The following CASZ1 variants were observed in gnomAD, a reference collection of about 807,000 sequenced individuals.
The protein encoded by CASZ1 is zinc finger protein castor homolog 1.
A neutral mutation model predicts 135.2 loss-of-function variants in CASZ1; 28 were observed. The ratio of observed to expected loss-of-function variants is 0.21; its 90% CI spans 0.15 to 0.28. The LOEUF is 0.28. CASZ1 is among the 10% of genes least tolerant of loss of function. The probability of loss-of-function intolerance (pLI) is 1.00; values close to 1 mark genes in which losing one functional copy is unlikely to be tolerated. For missense variants in CASZ1, 2,161 were observed against 2,453.3 expected (o/e 0.88, Z 2.52); for synonymous variants, 1,068 against 1,073.4 (o/e 0.99, Z 0.10).
At chr1:10,671,370 T>C (rs557451945) in intron 4 of CASZ1, among the ~76,000 whole-genome samples, 1 of 152,332 alleles carries the variant, frequency 6.6e-6, no homozygotes, top group Non-Finnish European at 1.5e-5. Flanking sequence ...AATCCCGTTA[T>C]ATTCACATGT....
chr1:10,756,686 G>A lies in CASZ1; in HGVS notation c.-77+4015C>T, dbSNP rs114282605. ...GGAAAAGGGAGACTGGCCTTCAGGC[G>A]AGCGGGGTACTGGGGCAATTCACAC... On this transcript the variant is annotated intron_variant, in intron 2 of 20. Transcript: ENST00000377022. This position sits in a 1 kb window ranked among gnomAD's most constrained non-coding sequence, Gnocchi z 5.9. Among the ~76,000 whole-genome samples, 767 of 152,338 alleles carry A rather than the reference G, an allele frequency of 5.0e-3. 8 individuals carry two copies. Among genetic ancestry groups the A allele is most frequent in the African/African-American group, 0.018 (742 of 41,578 alleles).
intron 1 of CASZ1, among the ~76,000 whole-genome samples, chr1:10,783,745 G>A (rs111751193): frequency 0.1 from 15,800 of 151,694 alleles, 1,103 homozygotes; most frequent in African/African-American, 0.19. Flanking sequence ...GGTGACGCAC[G>A]CCTGTAATCC....
In CASZ1 at chr1:10,788,326, T is replaced by C. The variant is rs1357939262; in HGVS notation, c.-234+8238A>G. Among the ~76,000 whole-genome samples the C allele has an allele frequency of 2.0e-5, 3 of 152,110 alleles. No homozygotes were observed. The highest frequency in any genetic ancestry group is 4.4e-5 in the Non-Finnish European group (3 of 68,008). On this transcript the variant is annotated intron_variant, in intron 1 of 20. Transcript: ENST00000377022. The surrounding 1 kb of genome is among the most constrained non-coding windows in gnomAD (Gnocchi z 4.1). ...GTTTGACAGCACTCTCCTCTCCCAG[T>C]GCAGAGGCAGGCAGGTGGGAGTAGT... is the stretch of plus-strand genomic sequence containing the variant.
intron 4 of CASZ1, among the ~76,000 whole-genome samples, chr1:10,671,329 C>T (rs1024512639): frequency 5.3e-5 from 8 of 152,220 alleles, no homozygotes; most frequent in Non-Finnish European, 7.3e-5. Context: ...CCTGTGCGCG[C>T]GCACACACGC....
intron 3 of CASZ1, among the ~76,000 whole-genome samples, chr1:10,703,363 C>T (rs542698452): frequency 6.6e-6 from 1 of 152,244 alleles, no homozygotes; most frequent in East Asian, 1.9e-4. Context: ...CAGACTGCAG[C>T]CTGGTTCCCA....
In CASZ1 at chr1:10,648,079, G is replaced by A; in HGVS notation, c.3219C>T (p.Ala1073=). 1.3e-6 allele frequency: 2 copies of A among 1,581,076 alleles called. No individual in the cohort carries two copies. Among genetic ancestry groups the A allele is most frequent in the South Asian group, 2.3e-5 (2 of 87,200 alleles). The change falls in exon 16 of 21, where the codon GCC becomes GCT. Residue 1073 remains alanine (A), a synonymous_variant. Coordinates refer to ENST00000377022, the MANE Select transcript of CASZ1 (RefSeq NM_001079843.3). ...TGGGAGGTTTGGTCTCGGCGGCCGA[G>A]GCCGGAAAGGCAGCCTCTGTGTTTC... ...AKGNTEAAFP[A]SAAETKPPMA... is the part of the protein sequence containing the mutation.
At chr1:10,667,217 G>T (rs1389825224) in intron 4 of CASZ1, among the ~76,000 whole-genome samples, 1 of 152,238 alleles carries the variant, frequency 6.6e-6, no homozygotes, top group Non-Finnish European at 1.5e-5. Context: ...TCCCCTGATA[G>T]ACACAGTGCC....
chr1:10,740,404 C>G (rs1639892446), intron 2 of CASZ1, among the ~76,000 whole-genome samples: 2 of 152,234 alleles, frequency 1.3e-5, no homozygotes, highest in South Asian at 4.1e-4. Flanking sequence ...AGAGTGAGGT[C>G]CTGGGGATCT....
rs284254 is a variant in CASZ1 at position 10,726,257 on chromosome 1, A to C, written c.-76-20713T>G. On this transcript the variant is annotated intron_variant, in intron 2 of 20. Coordinates refer to ENST00000377022, the MANE Select transcript of CASZ1 (RefSeq NM_001079843.3). The surrounding 1 kb of genome is among the most constrained non-coding windows in gnomAD (Gnocchi z 5.7). ...CAGCAACAGAAACCCTGTAGGAGAC[A>C]CCACTGTTCATGCCCTCATTTACGG... 1.3e-5 allele frequency among the ~76,000 whole-genome samples: 2 copies of C among 152,040 alleles called. No individual in the cohort carries two copies. The highest frequency in any genetic ancestry group is 4.1e-4 in the South Asian group (2 of 4,826).
chr1:10,662,590 ACAAT>A (rs1246061957), intron 5 of CASZ1, among the ~76,000 whole-genome samples: 1 of 145,610 alleles, frequency 6.9e-6, no homozygotes, highest in Non-Finnish European at 1.5e-5. Flanking sequence ...AATCACACAC[ACAAT>A]CACACACACT....
rs191369987 is a variant in CASZ1 at position 10,638,143 on chromosome 1, T to C, written c.*799A>G. 19 of 152,552 alleles carry C rather than the reference T, an allele frequency of 1.2e-4. No individual in the cohort carries two copies. The highest frequency in any genetic ancestry group is 5.2e-4 in the Admixed American group (8 of 15,304). 9.4% of individuals were successfully genotyped at this position (152,552 alleles called of 1,614,324 possible). ...TTTGTTCTATGTAGAATAATAACCTTTACAGGAAAAATACTGTACAACTTT... is the reference window on the plus strand; with the variant it reads ...TTTGTTCTATGTAGAATAATAACCTCTACAGGAAAAATACTGTACAACTTT... On this transcript the variant is annotated 3_prime_UTR_variant, in exon 21 of 21. Transcript: ENST00000377022. The surrounding 1 kb of genome is among the most constrained non-coding windows in gnomAD (Gnocchi z 5.9).
At chr1:10,672,512 T>G (rs1643440399) in intron 4 of CASZ1, among the ~76,000 whole-genome samples, 1 of 134,736 alleles carries the variant, frequency 7.4e-6, no homozygotes, top group Non-Finnish European at 1.6e-5. Context: ...GGGCCCAATC[T>G]GTTTTCAAAG....
intron 1 of CASZ1, among the ~76,000 whole-genome samples, chr1:10,763,495 A>G (rs1640416930): frequency 1.3e-5 from 2 of 152,180 alleles, no homozygotes; most frequent in South Asian, 4.1e-4. Flanking sequence ...CAAGCACTCT[A>G]GAAATGCCCA....
chr1:10,669,971 T>C (rs1643352725), intron 4 of CASZ1, among the ~76,000 whole-genome samples: 1 of 152,232 alleles, frequency 6.6e-6, no homozygotes, highest in Admixed American at 6.5e-5. Context: ...GGAAACGGTG[T>C]TCAAGAAAAA....
chr1:10,767,250 G>A lies in CASZ1; in HGVS notation c.-233-6393C>T, dbSNP rs1232986988. Among the ~76,000 whole-genome samples the A allele has an allele frequency of 6.6e-6, 1 of 152,184 alleles. No homozygotes were observed. Among genetic ancestry groups the A allele is most frequent in the Admixed American group, 6.5e-5 (1 of 15,278 alleles). On this transcript the variant is annotated intron_variant, in intron 1 of 20. Transcript: ENST00000377022. The surrounding 1 kb of genome is among the most constrained non-coding windows in gnomAD (Gnocchi z 4.2). ...CCCAGTCCTGGCCCAGGAGATCAGC[G>A]ATGTCCTCTGACCCTTCCCTCTACC...
In CASZ1 at chr1:10,694,222, C is replaced by T. The variant is rs1638861340; in HGVS notation, c.-23-310G>A. 9 of 594,666 alleles carry T rather than the reference C, an allele frequency of 1.5e-5. No homozygotes were observed. The highest frequency in any genetic ancestry group is 5.5e-4 in the Middle Eastern group (1 of 1,822). The allele number at this position is 594,666 out of a possible 1,614,324, so 36.8% of individuals were successfully genotyped here. ...AGGCCCAGGGGCGCCCCCGTCCCGC[C>T]GACCGCGCCCCGCGCCCGGGTCGCC... is the stretch of plus-strand genomic sequence containing the variant. On this transcript the variant is annotated intron_variant, in intron 3 of 20. Transcript: ENST00000377022. The surrounding 1 kb of genome is among the most constrained non-coding windows in gnomAD (Gnocchi z 6.6).
intron 11 of CASZ1, chr1:10,652,388 CCTG>C (rs1315450512): frequency 6.6e-6 from 1 of 152,298 alleles, no homozygotes; most frequent in East Asian, 1.9e-4. Context: ...TGGCGTCCCG[CCTG>C]CTGTGTCCCC....
In CASZ1 at chr1:10,706,920, G is replaced by C. The variant is rs1354675771; in HGVS notation, c.-76-1376C>G. Among the ~76,000 whole-genome samples, 1 of 151,914 alleles carries C rather than the reference G, an allele frequency of 6.6e-6. No individual in the cohort carries two copies. Among genetic ancestry groups the C allele is most frequent in the Non-Finnish European group, 1.5e-5 (1 of 67,956 alleles). On this transcript the variant is annotated intron_variant, in intron 2 of 20. Transcript: ENST00000377022. The surrounding 1 kb of genome is among the most constrained non-coding windows in gnomAD (Gnocchi z 4.3). ...TAGAGAGGATGGGGGGCTGTGTAAA[G>C]GGGGAATAAGGAAAAGAGAAGGAGC...
intron 2 of CASZ1, among the ~76,000 whole-genome samples, chr1:10,743,522 G>A (rs1639971205): frequency 2.0e-5 from 3 of 151,536 alleles, no homozygotes; most frequent in Admixed American, 6.6e-5. Context: ...TGGGGGCCGG[G>A]GGAGCTGAGA....
Sources: allele counts gnomAD v4.1 joint callset (sites outside exome capture counted in the v4.1 genomes callset), GRCh38; gene constraint gnomAD v4.1.1; non-coding constraint Gnocchi (gnomAD v3.1); transcripts MANE v1.5; gene names NCBI Gene and HGNC (gene_info 2026-07-23, HGNC 2026-07-21).